Variants in GALNT7 observed in about 807,000 individuals in gnomAD.
The protein encoded by GALNT7 is polypeptide N-acetylgalactosaminyltransferase 7, also known as N-acetylgalactosaminyltransferase 7.
Under a neutral mutation model 82.1 loss-of-function variants are expected in GALNT7, and 60 were observed. The observed-to-expected ratio is 0.73, with a 90% CI of 0.59 to 0.91. The LOEUF (loss-of-function observed/expected upper bound fraction) is 0.91, where lower values mean the gene tolerates loss of function less well. Ranked by LOEUF, GALNT7 falls within the 40% of genes least tolerant of loss-of-function variation. The pLI is 0.00. For synonymous variants in GALNT7, 243 were observed against 275.1 expected (o/e 0.88, Z 1.15); for missense variants, 660 against 804.2 (o/e 0.82, Z 2.17).
intron 2 of GALNT7, among the ~76,000 whole-genome samples, chr4:173,256,497 T>TG (rs1735042616): frequency 6.6e-6 from 1 of 152,190 alleles, no homozygotes; most frequent in South Asian, 2.1e-4. Context: ...TTGTGTGGTC[T>TG]GGTCATTGTC....
At chr4:173,179,868 G>A (rs1010174958) in intron 1 of GALNT7, among the ~76,000 whole-genome samples, 1 of 152,184 alleles carries the variant, frequency 6.6e-6, no homozygotes. Context: ...GATGCGTGAA[G>A]TTCTCTAGAA....
chr4:173,226,789 T>C (rs1291421257), intron 1 of GALNT7, among the ~76,000 whole-genome samples: 1 of 152,214 alleles, frequency 6.6e-6, no homozygotes, highest in East Asian at 1.9e-4. Flanking sequence ...AAGAAATGCC[T>C]GATTTTTCCA....
At chr4:173,190,949 C>T (rs1028608517) in intron 1 of GALNT7, among the ~76,000 whole-genome samples, 1 of 151,672 alleles carries the variant, frequency 6.6e-6, no homozygotes, top group Middle Eastern at 3.2e-3. Flanking sequence ...TGTTGGCAGT[C>T]AGGGAACCAT....
chr4:173,245,856 C>CA (rs569838493), intron 1 of GALNT7, among the ~76,000 whole-genome samples: 2 of 151,956 alleles, frequency 1.3e-5, no homozygotes, highest in Non-Finnish European at 1.5e-5. Context: ...ATATGATTTC[C>CA]AAAAAAACAG....
At chr4:173,225,928 G>A (rs1406850593) in intron 1 of GALNT7, among the ~76,000 whole-genome samples, 1 of 152,190 alleles carries the variant, frequency 6.6e-6, no homozygotes, top group Non-Finnish European at 1.5e-5. Context: ...GAGCTCTGGA[G>A]CTAGGGTAGT....
chr4:173,273,427 GC>G (rs1022762804), intron 2 of GALNT7, among the ~76,000 whole-genome samples: 2 of 152,058 alleles, frequency 1.3e-5, no homozygotes, highest in African/African-American at 4.8e-5. Context: ...CCATAAGGAG[GC>G]CCCTGTTGTT....
chr4:173,197,183 A>G (rs1732805527), intron 1 of GALNT7, among the ~76,000 whole-genome samples: 1 of 151,752 alleles, frequency 6.6e-6, no homozygotes, highest in South Asian at 2.1e-4. Context: ...CTGGAAAGTA[A>G]CCTCAGACTT....
rs185106282 is a variant in GALNT7, at chr4:173,280,277, G to A, written c.588-11831G>A. Among the ~76,000 whole-genome samples the A allele has an allele frequency of 3.1e-3, 476 of 152,258 alleles. 10 individuals carry two copies. The highest frequency in any genetic ancestry group is 0.029 in the Admixed American group (444 of 15,288). On this transcript the variant is annotated intron_variant, in intron 2 of 11. Transcript: ENST00000265000. Reference sequence around the variant, plus strand: ...GGGACTCGCAGCCTCAAAATGTTACGTTTTTCATAGTCTGCTGAATTAGAT... The same window carrying A: ...GGGACTCGCAGCCTCAAAATGTTACATTTTTCATAGTCTGCTGAATTAGAT...
chr4:173,202,584 T>C (rs938778860), intron 1 of GALNT7, among the ~76,000 whole-genome samples: 10 of 152,212 alleles, frequency 6.6e-5, no homozygotes, highest in African/African-American at 2.4e-4. Flanking sequence ...AAATCCTGCC[T>C]CCTCCAGGAA....
At chr4:173,267,221 T>C (rs1339015223) in intron 2 of GALNT7, among the ~76,000 whole-genome samples, 1 of 152,098 alleles carries the variant, frequency 6.6e-6, no homozygotes, top group Non-Finnish European at 1.5e-5. Context: ...CATATATTAA[T>C]TTTTAAAAGC....
At chr4:173,277,036 T>G (rs957532335) in intron 2 of GALNT7, among the ~76,000 whole-genome samples, 1 of 151,920 alleles carries the variant, frequency 6.6e-6, no homozygotes, top group African/African-American at 2.4e-5. Context: ...ATAGATAGAT[T>G]GATTGATAGA....
At chr4:173,277,067 GA>G (rs1360904781) in intron 2 of GALNT7, among the ~76,000 whole-genome samples, 2 of 152,114 alleles carry the variant, frequency 1.3e-5, no homozygotes. Flanking sequence ...AAAACTTAGT[GA>G]AAAGCTCTCA....
intron 11 of GALNT7, 116 bp downstream of exon 11, chr4:173,318,675 C>T (rs912490880): frequency 1.4e-6 from 1 of 689,922 alleles, no homozygotes; most frequent in Non-Finnish European, 2.5e-6. Context: ...CTTGCATTTT[C>T]CTCTCATTTA....
At chr4:173,244,366 C>T (rs1734540588) in intron 1 of GALNT7, among the ~76,000 whole-genome samples, 1 of 152,192 alleles carries the variant, frequency 6.6e-6, no homozygotes, top group Non-Finnish European at 1.5e-5. Context: ...CAGTGGGCTA[C>T]TGCTGGAATA....
intron 1 of GALNT7, among the ~76,000 whole-genome samples, chr4:173,220,373 A>G (rs1733605065): frequency 6.6e-6 from 1 of 152,052 alleles, no homozygotes; most frequent in Non-Finnish European, 1.5e-5. Flanking sequence ...TACCAGTATC[A>G]TTGCTGTTTT....
Position 173,298,215 on chromosome 4 carries a change from T to C in GALNT7, c.1066T>C (p.Trp356Arg). 1 of 1,613,766 alleles carries C rather than the reference T, an allele frequency of 6.2e-7. No homozygotes were observed. Among genetic ancestry groups the C allele is most frequent in the Non-Finnish European group, 8.5e-7 (1 of 1,179,840 alleles). Residue 356 changes from tryptophan to arginine, a missense_variant, in exon 6 of 12, where the codon TGG becomes CGG. Physicochemically the swap from Trp to Arg is moderately radical, Grantham distance 101. Coordinates refer to ENST00000265000, the MANE Select transcript of GALNT7 (RefSeq NM_017423.3). Reference protein sequence around the residue: ...GDEDGYARGAWDWSMLWKRVP... With the variant: ...GDEDGYARGARDWSMLWKRVP... ...TGAAGATGGGTATGCCCGAGGAGCATGGGATTGGAGTATGCTCTGGAAACG... is the reference window on the plus strand; with the variant it reads ...TGAAGATGGGTATGCCCGAGGAGCACGGGATTGGAGTATGCTCTGGAAACG...
At chr4:173,284,101 A>G (rs1736221451) in intron 2 of GALNT7, among the ~76,000 whole-genome samples, 1 of 152,246 alleles carries the variant, frequency 6.6e-6, no homozygotes, top group African/African-American at 2.4e-5. Context: ...TTAGTTTTCT[A>G]TTAGGTTAGT....
In GALNT7 at chr4:173,292,317, A is replaced by C. The variant is rs771782223; in HGVS notation, c.754+43A>C. 6 of 1,240,104 alleles carry C rather than the reference A, an allele frequency of 4.8e-6. No homozygotes were observed. In the South Asian group the frequency reaches 8.5e-5, roughly 18 times the overall value. 76.8% of individuals were successfully genotyped at this position (1,240,104 alleles called of 1,614,324 possible). Reference sequence around the variant, plus strand: ...CACATTTTGTCTATAAAATAAGTTAAGCATGAATAATTGCAAAAAGGTGAT... The same window carrying C: ...CACATTTTGTCTATAAAATAAGTTACGCATGAATAATTGCAAAAAGGTGAT... On this transcript the variant is annotated intron_variant, in intron 3 of 11. Transcript: ENST00000265000. The surrounding 1 kb of genome is among the most constrained non-coding windows in gnomAD (Gnocchi z 4.8).
At chr4:173,194,721 T>C (rs998331806) in intron 1 of GALNT7, among the ~76,000 whole-genome samples, 1 of 152,176 alleles carries the variant, frequency 6.6e-6, no homozygotes, top group African/African-American at 2.4e-5. Context: ...GCATGTGCCA[T>C]GTTGGTGTGC....
Sources: gnomAD v4.1 joint callset for allele counts (sites outside exome capture counted in the v4.1 genomes callset) on GRCh38, gnomAD v4.1.1 for gene constraint, Gnocchi (gnomAD v3.1) non-coding constraint, MANE v1.5 for transcripts, NCBI Gene and HGNC (gene_info 2026-07-23, HGNC 2026-07-21) for gene names.